Variants in MPP7 observed in about 807,000 individuals in gnomAD.
The protein encoded by MPP7 is MAGUK p55 subfamily member 7.
Under a neutral mutation model 76.5 loss-of-function variants are expected in MPP7, and 60 were observed. That is an observed-to-expected ratio of 0.78 (90% CI 0.64 to 0.97). MPP7 has a LOEUF of 0.97. MPP7 is among the 50% of genes least tolerant of loss of function. MPP7 has a pLI of 0.00. For synonymous variants in MPP7, 237 were observed against 244.5 expected, an observed-to-expected ratio of 0.97 and a Z score of 0.29; for missense variants, 641 against 694.0, an observed-to-expected ratio of 0.92 and a Z score of 0.86.
intron 5 of MPP7, among the ~76,000 whole-genome samples, chr10:28,135,547 T>A (rs1469944997): frequency 6.6e-6 from 1 of 152,196 alleles, no homozygotes; most frequent in Non-Finnish European, 1.5e-5. Context: ...ACTCCAGAAA[T>A]AATTATCCAG....
intron 5 of MPP7, among the ~76,000 whole-genome samples, chr10:28,143,382 T>C (rs186313817): frequency 6.6e-6 from 1 of 152,346 alleles, no homozygotes; most frequent in Admixed American, 6.5e-5. Flanking sequence ...CAAAAAAGAA[T>C]ATTTCTGTTT....
chr10:28,173,202 T>A (rs1341713684), intron 3 of MPP7, among the ~76,000 whole-genome samples: 17 of 146,544 alleles, frequency 1.2e-4, no homozygotes, highest in East Asian at 6.1e-4. Flanking sequence ...GAGAGAAGGC[T>A]CAGACTCAAT....
chr10:28,059,024 T>A (rs978785002), intron 14 of MPP7, among the ~76,000 whole-genome samples: 1 of 152,162 alleles, frequency 6.6e-6, no homozygotes, highest in Non-Finnish European at 1.5e-5. Flanking sequence ...GGGCAGTCGA[T>A]CATGTGCTAT....
chr10:28,241,063 A>G (rs1839251932), intron 1 of MPP7, among the ~76,000 whole-genome samples: 1 of 152,108 alleles, frequency 6.6e-6, no homozygotes, highest in Admixed American at 6.6e-5. Flanking sequence ...GCAACCTATC[A>G]CTTTCTTCAC....
chr10:28,313,531 A>T (rs1841301606), intron 2 of MPP7, among the ~76,000 whole-genome samples: 1 of 152,114 alleles, frequency 6.6e-6, no homozygotes, highest in Admixed American at 6.6e-5. Flanking sequence ...AAAAAAAGGA[A>T]ACAAAAAGAC....
In MPP7 at chr10:28,120,576, T is replaced by G; in HGVS notation, c.690+18A>C. ...CTTCCCTCCCACGCACGAAGAAATG[T>G]TTTTAAGCAATAATTACCTTGCCTT... On this transcript the variant is annotated intron_variant, in intron 9 of 16. Coordinates refer to ENST00000683449, the MANE Select transcript of MPP7 (RefSeq NM_001318170.2). 3 of 1,610,754 alleles carry G rather than the reference T, an allele frequency of 1.9e-6. No homozygotes were observed. The highest frequency in any genetic ancestry group is 2.5e-6 in the Non-Finnish European group (3 of 1,177,196).
intron 3 of MPP7, among the ~76,000 whole-genome samples, chr10:28,172,470 C>T (rs1287109933): frequency 6.6e-6 from 1 of 152,242 alleles, no homozygotes; most frequent in African/African-American, 2.4e-5. Flanking sequence ...TGTATTTCTA[C>T]TCCCGAAGGC....
At chr10:28,312,282 G>C (rs141175930) in intron 2 of MPP7, among the ~76,000 whole-genome samples, 41 of 152,270 alleles carry the variant, frequency 2.7e-4, no homozygotes, top group African/African-American at 8.7e-4. Flanking sequence ...GACTCCTGCT[G>C]ATTGGTTGTG....
chr10:28,113,613 A>T (rs1321517628), intron 11 of MPP7, among the ~76,000 whole-genome samples: 1 of 152,124 alleles, frequency 6.6e-6, no homozygotes, highest in Non-Finnish European at 1.5e-5. Flanking sequence ...CACCAGAAAG[A>T]AGTATCCCAA....
chr10:28,174,841 G>A (rs960010672), intron 3 of MPP7, among the ~76,000 whole-genome samples: 2 of 152,166 alleles, frequency 1.3e-5, no homozygotes, highest in African/African-American at 4.8e-5. Context: ...AATGTCCATC[G>A]ACAGTTGAAT....
chr10:28,190,359 C>T (rs1475688017), intron 3 of MPP7, among the ~76,000 whole-genome samples: 1 of 152,084 alleles, frequency 6.6e-6, no homozygotes, highest in Non-Finnish European at 1.5e-5. Flanking sequence ...ATACTTTATC[C>T]AATTATGGCA....
At chr10:28,272,672 C>T (rs1245604425) in intron 1 of MPP7, among the ~76,000 whole-genome samples, 2 of 151,704 alleles carry the variant, frequency 1.3e-5, no homozygotes, top group African/African-American at 2.4e-5. Flanking sequence ...AAGATTTGCT[C>T]GGATCTTAAT....
At chr10:28,296,347 G>C (rs1053264193) in intron 1 of MPP7, among the ~76,000 whole-genome samples, 1 of 152,006 alleles carries the variant, frequency 6.6e-6, no homozygotes, top group Non-Finnish European at 1.5e-5. Flanking sequence ...GCAGTGTTCT[G>C]GTAAGAAACA....
intron 2 of MPP7, among the ~76,000 whole-genome samples, chr10:28,228,266 A>G (rs1222971938): frequency 6.6e-6 from 1 of 152,190 alleles, no homozygotes; most frequent in African/African-American, 2.4e-5. Context: ...GATATCAGTA[A>G]AATCCACTTT....
chr10:28,126,120 C>T (rs1183781753), intron 6 of MPP7, among the ~76,000 whole-genome samples: 1 of 152,146 alleles, frequency 6.6e-6, no homozygotes, highest in Non-Finnish European at 1.5e-5. Flanking sequence ...TTATCTATAA[C>T]TATCAGATAC....
chr10:28,056,476 TTAC>T lies in MPP7; in HGVS notation c.1551+1_1551+3del. The stretch of plus-strand genomic sequence containing the variant: ...ACCTGGCCCCCAAGCATCATTATAC[TTAC>T]TGTGAAGGGTTTTGCAGCACCTTGG... On this transcript the variant is annotated splice_donor_variant and splice_donor_region_variant and intron_variant, in intron 16 of 16. Transcript: ENST00000683449. LOFTEE classifies it high-confidence loss of function. 6.2e-7 allele frequency: 1 copy of T among 1,611,318 alleles called. No homozygotes were observed. Among genetic ancestry groups the T allele is most frequent in the Non-Finnish European group, 8.5e-7 (1 of 1,179,330 alleles).
chr10:28,104,043 T>C lies in MPP7; in HGVS notation c.953-14202A>G, dbSNP rs189238554. Among the ~76,000 whole-genome samples the C allele has an allele frequency of 7.9e-5, 12 of 152,262 alleles. No individual in the cohort carries two copies. The East Asian group carries it at 2.1e-3, about 27-fold the overall frequency. On this transcript the variant is annotated intron_variant, in intron 11 of 16. Transcript: ENST00000683449. ...CATATAGTACTTTGGAGAAAACATATAATTTTAAATTATTTTAAGTAATTT... is the reference window on the plus strand; with the variant it reads ...CATATAGTACTTTGGAGAAAACATACAATTTTAAATTATTTTAAGTAATTT...
chr10:28,132,744 G>A (rs1185044942), intron 5 of MPP7, among the ~76,000 whole-genome samples: 5 of 152,060 alleles, frequency 3.3e-5, no homozygotes, highest in Non-Finnish European at 5.9e-5. Flanking sequence ...GATTACAGGC[G>A]CCCGCCACCA....
At chr10:28,264,771 A>G (rs1019363558) in intron 1 of MPP7, among the ~76,000 whole-genome samples, 2 of 152,126 alleles carry the variant, frequency 1.3e-5, no homozygotes, top group Non-Finnish European at 2.9e-5. Context: ...TTGGAATGAA[A>G]GAATGATTTC....
Sources: gnomAD v4.1 joint callset for allele counts (sites outside exome capture counted in the v4.1 genomes callset) on GRCh38, gnomAD v4.1.1 for gene constraint, MANE v1.5 for transcripts, NCBI Gene and HGNC (gene_info 2026-07-23, HGNC 2026-07-21) for gene names.